Variants in GPC5 observed in about 807,000 individuals in gnomAD.
GPC5 encodes glypican 5, also known as glypican-5.
In GPC5, 47 loss-of-function variants were observed where a neutral mutation model predicts 53.9. The observed-to-expected ratio is 0.87, with a 90% CI of 0.69 to 1.11. The LOEUF is 1.11. Ranked by LOEUF, GPC5 falls within the 50% of genes most tolerant of loss-of-function variation. The probability of loss-of-function intolerance (pLI) is 0.00; values close to 1 mark genes in which losing one functional copy is unlikely to be tolerated. For missense variants in GPC5, 748 were observed against 713.1 expected (o/e 1.05, Z -0.56); for synonymous variants, 286 against 263.3 (o/e 1.09, Z -0.84).
In GPC5 at chr13:92,451,572, A is replaced by G. The variant is rs140076252; in HGVS notation, c.1561+306583A>G. 1.3e-4 allele frequency among the ~76,000 whole-genome samples: 20 copies of G among 152,312 alleles called. No homozygotes were observed. The East Asian group carries it at 3.7e-3, about 28-fold the overall frequency. ...TATGTATATGAAAGTCAAGATTTCT[A>G]TCATAAGGAATATGTATCCTAAATA... On this transcript the variant is annotated intron_variant, in intron 7 of 7. Transcript: ENST00000377067.
intron 7 of GPC5, among the ~76,000 whole-genome samples, chr13:92,434,393 TG>T (rs1165065692): frequency 7.2e-5 from 11 of 152,182 alleles, no homozygotes; most frequent in Admixed American, 6.5e-4. Flanking sequence ...TGCAATAGAA[TG>T]TTTTTTTCTT....
intron 7 of GPC5, among the ~76,000 whole-genome samples, chr13:92,478,977 C>T (rs72640234): frequency 0.031 from 4,753 of 152,222 alleles, 110 homozygotes; most frequent in Middle Eastern, 0.078. Flanking sequence ...GTTATTCAGC[C>T]TCTCTACATT....
chr13:91,996,839 G>A (rs1162345686), intron 6 of GPC5, among the ~76,000 whole-genome samples: 1 of 152,016 alleles, frequency 6.6e-6, no homozygotes, highest in South Asian at 2.1e-4. Flanking sequence ...TGAGTATTAT[G>A]TTTACGTTTG....
intron 1 of GPC5, among the ~76,000 whole-genome samples, chr13:91,441,614 C>A (rs984618754): frequency 6.6e-6 from 1 of 152,136 alleles, no homozygotes; most frequent in African/African-American, 2.4e-5. Context: ...AAAGAATATT[C>A]CAGCAGGAGG....
chr13:92,440,548 G>A (rs1284693082), intron 7 of GPC5, among the ~76,000 whole-genome samples: 1 of 152,144 alleles, frequency 6.6e-6, no homozygotes, highest in Non-Finnish European at 1.5e-5. Flanking sequence ...TGTGAACAGT[G>A]TGGCAATGAA....
At chr13:92,080,707 T>C (rs750514999) in intron 6 of GPC5, among the ~76,000 whole-genome samples, 4 of 152,232 alleles carry the variant, frequency 2.6e-5, no homozygotes, top group Non-Finnish European at 5.9e-5. Context: ...TCTTAAAATA[T>C]AATTCTCATG....
intron 7 of GPC5, among the ~76,000 whole-genome samples, chr13:92,801,508 A>T (rs1876906376): frequency 1.3e-5 from 2 of 151,830 alleles, no homozygotes; most frequent in Non-Finnish European, 2.9e-5. Flanking sequence ...TTGAGTGCTT[A>T]ATACACTATA....
intron 7 of GPC5, among the ~76,000 whole-genome samples, chr13:92,415,665 C>A (rs1466570331): frequency 1.4e-5 from 2 of 137,980 alleles, no homozygotes; most frequent in Admixed American, 7.5e-5. Flanking sequence ...GAGGAAGGTT[C>A]CAGCTGGAGG....
At chr13:92,536,600 C>G (rs1016557275) in intron 7 of GPC5, among the ~76,000 whole-genome samples, 4 of 151,970 alleles carry the variant, frequency 2.6e-5, no homozygotes, top group African/African-American at 7.2e-5. Context: ...AGTTTATGAG[C>G]AAAGATTTTC....
intron 5 of GPC5, among the ~76,000 whole-genome samples, chr13:91,802,807 CTG>C (rs1475443619): frequency 6.6e-6 from 1 of 152,100 alleles, no homozygotes; most frequent in African/African-American, 2.4e-5. Context: ...TGGACTCATT[CTG>C]TCTCTTCTAC....
At position 91,488,861 on chromosome 13, in the gene GPC5, A is replaced by T. The variant is rs528393594; in HGVS notation, c.325+39939A>T. On this transcript the variant is annotated intron_variant, in intron 2 of 7. Transcript: ENST00000377067. ...AAAGCAAATGGGAGAAATGTCACTG[A>T]ATTATTTTCCTCAGCAAGGAACATC... is the stretch of plus-strand genomic sequence containing the variant. Among the ~76,000 whole-genome samples, 14 of 152,314 alleles carry T rather than the reference A, an allele frequency of 9.2e-5. No individual in the cohort carries two copies. The South Asian group carries it at 2.7e-3, about 29-fold the overall frequency.
chr13:91,795,345 A>G (rs1013521455), intron 5 of GPC5, among the ~76,000 whole-genome samples: 27 of 152,340 alleles, frequency 1.8e-4, no homozygotes, highest in African/African-American at 6.5e-4. Context: ...AGGATTTCTC[A>G]TTGAAAGCAA....
intron 7 of GPC5, among the ~76,000 whole-genome samples, chr13:92,195,459 A>T (rs1390024322): frequency 1.3e-5 from 2 of 152,214 alleles, no homozygotes. Flanking sequence ...TTACCAGTAT[A>T]TTGATCTTAC....
At chr13:92,162,456 A>G (rs72635502) in intron 7 of GPC5, among the ~76,000 whole-genome samples, 42,804 of 152,094 alleles carry the variant, frequency 0.28, 7,250 homozygotes, top group South Asian at 0.59. Context: ...TTGTGGGAAC[A>G]CACAGGAAGG....
rs181053249 is a variant in GPC5 at position 92,566,422 on chromosome 13, T to A, written c.1562-299860T>A. Among the ~76,000 whole-genome samples, 275 of 152,214 alleles carry A rather than the reference T, an allele frequency of 1.8e-3. 2 individuals are homozygous for A. Among genetic ancestry groups the A allele is most frequent in the African/African-American group, 6.5e-3 (269 of 41,558 alleles). On this transcript the variant is annotated intron_variant, in intron 7 of 7. Transcript: ENST00000377067. ...AATGAATCACATGAAGACAAGGAGATTGAATAGAAGAATATGGAAAATAAG... is the reference window on the plus strand; with the variant it reads ...AATGAATCACATGAAGACAAGGAGAATGAATAGAAGAATATGGAAAATAAG...
chr13:91,771,851 C>T lies in GPC5; in HGVS notation c.1280+15431C>T, dbSNP rs1594548104. On this transcript the variant is annotated intron_variant, in intron 5 of 7. Transcript: ENST00000377067. ...GAACAATAGAAATGCCAGTGCATTTCAAATAAAATACAAGCACACATTGTC... is the reference window on the plus strand; with the variant it reads ...GAACAATAGAAATGCCAGTGCATTTTAAATAAAATACAAGCACACATTGTC... Among the ~76,000 whole-genome samples, 3 of 152,218 alleles carry T rather than the reference C, an allele frequency of 2.0e-5. No individual in the cohort carries two copies. In the East Asian group the frequency reaches 5.8e-4, roughly 29 times the overall value.
intron 7 of GPC5, among the ~76,000 whole-genome samples, chr13:92,229,967 T>A (rs1302218588): frequency 6.6e-6 from 1 of 152,152 alleles, no homozygotes; most frequent in Non-Finnish European, 1.5e-5. Context: ...AAAATCTAAT[T>A]ATTAGCTTTT....
chr13:92,614,904 T>C (rs1884631506), intron 7 of GPC5, among the ~76,000 whole-genome samples: 1 of 152,216 alleles, frequency 6.6e-6, no homozygotes, highest in Non-Finnish European at 1.5e-5. Context: ...TTTTACAAAA[T>C]AGTGTTAACT....
intron 5 of GPC5, among the ~76,000 whole-genome samples, chr13:91,808,809 A>C (rs2038264697): frequency 6.6e-6 from 1 of 152,148 alleles, no homozygotes; most frequent in South Asian, 2.1e-4. Flanking sequence ...AGAAGCATTT[A>C]TGGGAATAGG....
Sources: gnomAD v4.1 joint callset for allele counts (sites outside exome capture counted in the v4.1 genomes callset) on GRCh38, gnomAD v4.1.1 for gene constraint, MANE v1.5 for transcripts, NCBI Gene and HGNC (gene_info 2026-07-23, HGNC 2026-07-21) for gene names.